The following TRIO variants were observed in gnomAD, a reference collection of about 807,000 sequenced individuals.
The protein encoded by TRIO is triple functional domain protein.
Under a neutral mutation model 351.9 loss-of-function variants are expected in TRIO, and 58 were observed. The observed-to-expected ratio is 0.16, with a 90% CI of 0.13 to 0.21. The LOEUF is 0.21. TRIO is among the 10% of genes least tolerant of loss of function. The probability of loss-of-function intolerance (pLI) is 1.00; values close to 1 mark genes in which losing one functional copy is unlikely to be tolerated. For missense variants in TRIO, 3,201 were observed against 4,027.8 expected, an observed-to-expected ratio of 0.79 and a Z score of 5.56; for synonymous variants, 1,758 against 1,595.7, an observed-to-expected ratio of 1.10 and a Z score of -2.42.
intron 2 of TRIO, among the ~76,000 whole-genome samples, chr5:14,275,866 G>GTGTATATATA (rs144655462): frequency 6.9e-6 from 1 of 143,942 alleles, no homozygotes; most frequent in Non-Finnish European, 1.5e-5. Flanking sequence ...CTCTATGTGT[G>GTGTATATATA]TATATATATA....
At chr5:14,500,319 AC>A (rs1416959363) in intron 53 of TRIO, among the ~76,000 whole-genome samples, 3 of 152,152 alleles carry the variant, frequency 2.0e-5, no homozygotes, top group African/African-American at 7.2e-5. Flanking sequence ...CTATTCCTGC[AC>A]CCACAAGCTG....
rs369501876 is a variant in TRIO at position 14,231,462 on chromosome 5, G to T, written c.158-39363G>T. ...AGAGGGAATATACATTTTATTATTG[G>T]ACCCTCCAGGCTGTCAATGAAGAGA... On this transcript the variant is annotated intron_variant, in intron 1 of 56. Transcript: ENST00000344204. 1.3e-3 allele frequency among the ~76,000 whole-genome samples: 191 copies of T among 152,186 alleles called. 2 individuals are homozygous for T. The South Asian group carries it at 0.022, about 17-fold the overall frequency.
At chr5:14,354,081 C>G (rs1743392092) in intron 11 of TRIO, among the ~76,000 whole-genome samples, 1 of 152,156 alleles carries the variant, frequency 6.6e-6, no homozygotes, top group African/African-American at 2.4e-5. Flanking sequence ...AGTTCAGGGC[C>G]CAGACATCCC....
chr5:14,388,919 A>C (rs1746803429), intron 24 of TRIO, among the ~76,000 whole-genome samples: 1 of 152,184 alleles, frequency 6.6e-6, no homozygotes, highest in African/African-American at 2.4e-5. Context: ...TGTTTATCAC[A>C]TGATGGCCTG....
intron 1 of TRIO, among the ~76,000 whole-genome samples, chr5:14,261,768 A>G (rs1795358196): frequency 6.6e-6 from 1 of 152,198 alleles, no homozygotes; most frequent in South Asian, 2.1e-4. Flanking sequence ...TCTTTCCATC[A>G]GAGAAGATTG....
At chr5:14,455,399 A>G (rs1257049202) in intron 34 of TRIO, among the ~76,000 whole-genome samples, 1 of 151,920 alleles carries the variant, frequency 6.6e-6, no homozygotes, top group Non-Finnish European at 1.5e-5. Flanking sequence ...AAAGTTCTCC[A>G]AGTCCCCACT....
Position 14,293,112 on chromosome 5 carries a change from A to C in TRIO, c.1154A>C (p.Asn385Thr). 1 of 1,614,162 alleles carries C rather than the reference A, an allele frequency of 6.2e-7. No homozygotes were observed. The highest frequency in any genetic ancestry group is 1.3e-5 in the African/African-American group (1 of 75,020). ...GCCATGGAGCTTCAGACGCAGCACAATCACTTTGCCATGAACTGTATGGTA... is the reference window on the plus strand; with the variant it reads ...GCCATGGAGCTTCAGACGCAGCACACTCACTTTGCCATGAACTGTATGGTA... The part of the protein sequence containing the change: ...PHAMELQTQH[N>T]HFAMNCMNVY... Residue 385 changes from asparagine to threonine, a missense_variant, in exon 6 of 57, where the codon AAT (asparagine) becomes ACT (threonine). Transcript: ENST00000344204.
chr5:14,400,600 C>T (rs1254029485), intron 30 of TRIO, among the ~76,000 whole-genome samples: 2 of 152,102 alleles, frequency 1.3e-5, no homozygotes, highest in African/African-American at 4.8e-5. Context: ...TGGTGGCAGC[C>T]CTTTTGCAAC....
At chr5:14,148,071 T>C (rs1787617974) in intron 1 of TRIO, among the ~76,000 whole-genome samples, 1 of 152,238 alleles carries the variant, frequency 6.6e-6, no homozygotes, top group African/African-American at 2.4e-5. Context: ...ATTGAGACCT[T>C]GTAAACCGAC....
At chr5:14,327,164 TTTG>T (rs760157947) in intron 9 of TRIO, among the ~76,000 whole-genome samples, 185 of 152,138 alleles carry the variant, frequency 1.2e-3, no homozygotes, top group Middle Eastern at 6.8e-3. Context: ...TTATTTTTAT[TTTG>T]TTGTTGTTGT....
At chr5:14,502,889 A>G (rs1315059034) in intron 54 of TRIO, among the ~76,000 whole-genome samples, 1 of 152,216 alleles carries the variant, frequency 6.6e-6, no homozygotes, top group East Asian at 1.9e-4. Flanking sequence ...GTCACCCCTC[A>G]ATGGGGAGAA....
chr5:14,343,673 C>A (rs1388863538), intron 11 of TRIO, among the ~76,000 whole-genome samples: 2 of 152,074 alleles, frequency 1.3e-5, no homozygotes, highest in African/African-American at 2.4e-5. Context: ...TGGGGACATT[C>A]GAGTTATTTT....
intron 1 of TRIO, among the ~76,000 whole-genome samples, chr5:14,204,733 G>GAGTTAA (rs980203688): frequency 2.6e-5 from 4 of 152,196 alleles, no homozygotes; most frequent in Non-Finnish European, 4.4e-5. Context: ...GTAACATGGA[G>GAGTTAA]AGTTAACCTA....
At chr5:14,424,574 A>G (rs560326493) in intron 34 of TRIO, among the ~76,000 whole-genome samples, 16 of 152,272 alleles carry the variant, frequency 1.1e-4, no homozygotes, top group Admixed American at 7.2e-4. Flanking sequence ...TCAGGATGCT[A>G]CGTTTTACTA....
intron 1 of TRIO, among the ~76,000 whole-genome samples, chr5:14,226,830 A>C (rs1044203759): frequency 6.6e-6 from 1 of 152,240 alleles, no homozygotes; most frequent in African/African-American, 2.4e-5. Flanking sequence ...GGAGGGCACA[A>C]GTGGCCGATG....
chr5:14,245,702 C>G (rs184694352), intron 1 of TRIO, among the ~76,000 whole-genome samples: 1 of 152,202 alleles, frequency 6.6e-6, no homozygotes, highest in African/African-American at 2.4e-5. Flanking sequence ...GCTGTCTCCA[C>G]CTGTGCACAC....
At chr5:14,376,261 T>C (rs1023793408) in intron 19 of TRIO, among the ~76,000 whole-genome samples, 1 of 152,222 alleles carries the variant, frequency 6.6e-6, no homozygotes, top group Admixed American at 6.5e-5. Context: ...TTTATTTGAT[T>C]TGCAGTTTCA....
At chr5:14,281,071 C>G (rs1027686741) in intron 3 of TRIO, among the ~76,000 whole-genome samples, 2 of 152,176 alleles carry the variant, frequency 1.3e-5, no homozygotes, top group African/African-American at 4.8e-5. Context: ...GAATCTGTTT[C>G]TGCTCTGGAA....
chr5:14,326,173 T>C (rs915715308), intron 9 of TRIO, among the ~76,000 whole-genome samples: 5 of 152,180 alleles, frequency 3.3e-5, no homozygotes, highest in African/African-American at 1.2e-4. Flanking sequence ...CCTGGCTCAC[T>C]GTGAGGATGG....
Sources: allele counts gnomAD v4.1 joint callset (sites outside exome capture counted in the v4.1 genomes callset), GRCh38; gene constraint gnomAD v4.1.1; transcripts MANE v1.5; gene names NCBI Gene and HGNC (gene_info 2026-07-23, HGNC 2026-07-21).